The following VIPR1 variants were observed in gnomAD, a reference collection of about 807,000 sequenced individuals.
VIPR1 encodes the protein vasoactive intestinal peptide receptor 1.
Under a neutral mutation model 58.8 loss-of-function variants are expected in VIPR1, and 59 were observed. The observed-to-expected ratio is 1.00, with a 90% CI of 0.81 to 1.25. The LOEUF (loss-of-function observed/expected upper bound fraction) is 1.25, where lower values mean the gene tolerates loss of function less well. Ranked by LOEUF, VIPR1 falls within the 50% of genes most tolerant of loss-of-function variation. The pLI is 0.00. For synonymous variants in VIPR1, 251 were observed against 242.1 expected, an observed-to-expected ratio of 1.04 and a Z score of -0.34; for missense variants, 626 against 602.7, an observed-to-expected ratio of 1.04 and a Z score of -0.40.
intron 1 of VIPR1, among the ~76,000 whole-genome samples, chr3:42,511,122 A>G (rs1244876634): frequency 6.6e-6 from 1 of 152,226 alleles, no homozygotes; most frequent in Non-Finnish European, 1.5e-5. Flanking sequence ...TCATGTTGCT[A>G]GCAGTAGAGC....
chr3:42,526,089 G>A (rs1184287931), intron 4 of VIPR1, 96 bp downstream of exon 4: 15 of 1,211,890 alleles, frequency 1.2e-5, no homozygotes, highest in Non-Finnish European at 1.6e-5. Flanking sequence ...TGCTGTCTGT[G>A]TGGGAACAGG....
intron 10 of VIPR1, chr3:42,533,030 G>A (rs925532080): frequency 6.6e-6 from 1 of 152,502 alleles, no homozygotes; most frequent in Non-Finnish European, 1.5e-5. Flanking sequence ...GAAGAGGCAG[G>A]TTTTTTTGCG....
intron 3 of VIPR1, among the ~76,000 whole-genome samples, chr3:42,525,107 A>G (rs1300285231): frequency 6.6e-6 from 1 of 151,698 alleles, no homozygotes; most frequent in East Asian, 1.9e-4. Flanking sequence ...TGGCTCATCT[A>G]ATTTCTATTC....
rs1700913565 is a variant in VIPR1 at position 42,521,470 on chromosome 3, A to T, written c.292+2140A>T. ...GCAAGTAGATGAAGAAGTTGTGGGC[A>T]ACCGACCTGAAATTCCAAAGAGGGA... is the stretch of plus-strand genomic sequence containing the variant. On this transcript the variant is annotated intron_variant, in intron 3 of 12. Coordinates refer to ENST00000325123, the MANE Select transcript of VIPR1 (RefSeq NM_004624.4). The T allele has an allele frequency of 2.6e-5, 4 of 152,252 alleles. No homozygotes were observed. The South Asian group carries it at 8.3e-4, about 31-fold the overall frequency. The allele number at this position is 152,252 out of a possible 1,614,324, so 9.4% of individuals were successfully genotyped here. A position where few individuals can be genotyped will look rare whatever the true frequency, so the allele number is the denominator to read the frequency against.
intron 3 of VIPR1, chr3:42,521,467 G>A (rs558125616): frequency 1.1e-4 from 17 of 152,290 alleles, no homozygotes; most frequent in Admixed American, 4.6e-4. Context: ...AGAAGTTGTG[G>A]GCAACCGACC....
At chr3:42,495,938 A>G (rs1699750600) in intron 1 of VIPR1, among the ~76,000 whole-genome samples, 1 of 151,918 alleles carries the variant, frequency 6.6e-6, no homozygotes, top group African/African-American at 2.4e-5. Flanking sequence ...GATTTCAAGC[A>G]GAAGACCCAG....
intron 2 of VIPR1, among the ~76,000 whole-genome samples, chr3:42,514,434 A>T (rs1700521948): frequency 6.6e-6 from 1 of 152,080 alleles, no homozygotes; most frequent in Non-Finnish European, 1.5e-5. Flanking sequence ...GTCTGGAAAG[A>T]TGTGGAATAC....
chr3:42,502,774 C>T lies in VIPR1; in HGVS notation c.39C>T (p.Cys13=). ...GTCCGCTGCCCGCCCGCTGGCTATG[C>T]GTGCTGGCAGGCGCCCTCGCCTGGG... ...PPSPLPARWL[C]VLAGALAWAL... Residue 13 remains cysteine, a synonymous_variant, in exon 1 of 13, where the codon TGC becomes TGT. Coordinates refer to ENST00000325123, the MANE Select transcript of VIPR1 (RefSeq NM_004624.4). The T allele has an allele frequency of 2.3e-6, 3 of 1,292,930 alleles. No individual in the cohort carries two copies. The highest frequency in any genetic ancestry group is 7.8e-5 in the Admixed American group (2 of 25,540). 80.1% of individuals were successfully genotyped at this position (1,292,930 alleles called of 1,614,324 possible).
chr3:42,502,511 G>T (rs977356748), upstream of VIPR1: 3 of 355,346 alleles, frequency 8.4e-6, no homozygotes, highest in Admixed American at 4.7e-5. Flanking sequence ...CCCCAGCCCC[G>T]CCCCATACCT....
chr3:42,522,234 C>T (rs1700985349), intron 3 of VIPR1, among the ~76,000 whole-genome samples: 2 of 150,948 alleles, frequency 1.3e-5, no homozygotes, highest in South Asian at 4.2e-4. Flanking sequence ...GCCTCAGCCT[C>T]CCCAGTAGCT....
chr3:42,499,273 T>C (rs1360295993), upstream of VIPR1, among the ~76,000 whole-genome samples: 1 of 152,008 alleles, frequency 6.6e-6, no homozygotes, highest in Non-Finnish European at 1.5e-5. Context: ...CTCACCACCA[T>C]GGAGCCCCTG....
chr3:42,523,604 TACAC>T (rs60726747), intron 3 of VIPR1, among the ~76,000 whole-genome samples: 2,728 of 129,836 alleles, frequency 0.021, 53 homozygotes, highest in East Asian at 0.06. Context: ...CCTCCGCCAC[TACAC>T]ACACACACAC....
upstream of VIPR1, among the ~76,000 whole-genome samples, chr3:42,498,374 T>C (rs1699806677): frequency 6.6e-6 from 1 of 152,200 alleles, no homozygotes; most frequent in Admixed American, 6.5e-5. Context: ...GCAAAGACTT[T>C]TTCAGATCTG....
chr3:42,494,189 G>C (rs1453175360), intron 1 of VIPR1, among the ~76,000 whole-genome samples: 4 of 152,230 alleles, frequency 2.6e-5, no homozygotes, highest in Non-Finnish European at 4.4e-5. Flanking sequence ...GTTTATGTAT[G>C]AACATGAATT....
chr3:42,492,759 G>C (rs1245537817), intron 1 of VIPR1, among the ~76,000 whole-genome samples: 15 of 152,208 alleles, frequency 9.9e-5, no homozygotes, highest in Admixed American at 8.5e-4. Context: ...CCTCCAAACT[G>C]TCTCCCTTGA....
At chr3:42,495,093 A>G (rs963590993) in intron 1 of VIPR1, among the ~76,000 whole-genome samples, 1 of 151,522 alleles carries the variant, frequency 6.6e-6, no homozygotes, top group African/African-American at 2.4e-5. Flanking sequence ...AGACCTTAAT[A>G]TAATGTCATA....
chr3:42,493,019 C>A (rs1190533948), intron 1 of VIPR1, among the ~76,000 whole-genome samples: 1 of 152,232 alleles, frequency 6.6e-6, no homozygotes, highest in Non-Finnish European at 1.5e-5. Flanking sequence ...CGCAGGAACC[C>A]AAGAAAGGCT....
intron 4 of VIPR1, 122 bp from the exon 5 acceptor site, chr3:42,527,271 C>T (rs996580877): frequency 5.8e-6 from 5 of 862,682 alleles, no homozygotes; most frequent in Non-Finnish European, 9.2e-6. Flanking sequence ...AGACCTCAGC[C>T]TCCTCATTTG....
Sources: gnomAD v4.1 joint callset for allele counts (sites outside exome capture counted in the v4.1 genomes callset) on GRCh38, gnomAD v4.1.1 for gene constraint, MANE v1.5 for transcripts, NCBI Gene and HGNC (gene_info 2026-07-23, HGNC 2026-07-21) for gene names.